SDK1: variants seen among roughly 807,000 people sequenced by gnomAD.
SDK1 encodes sidekick cell adhesion molecule 1.
A neutral mutation model predicts 245.5 loss-of-function variants in SDK1; 157 were observed. The ratio of observed to expected loss-of-function variants is 0.64; its 90% confidence interval spans 0.56 to 0.73. The LOEUF (loss-of-function observed/expected upper bound fraction) is 0.73. Ranked by LOEUF, SDK1 falls within the 30% of genes least tolerant of loss-of-function variation. SDK1 has a pLI of 0.00. For synonymous variants in SDK1, 1,647 were observed against 1,278.5 expected (o/e 1.29, Z -6.15); for missense variants, 3,583 against 3,002.3 (o/e 1.19, Z -4.52).
Position 3,736,678 on chromosome 7 carries a change from T to C in SDK1, c.714-84772T>C, listed in dbSNP as rs541497126. Among the ~76,000 whole-genome samples the C allele has an allele frequency of 2.4e-3, 368 of 152,282 alleles. 3 individuals are homozygous for C. Among genetic ancestry groups the C allele is most frequent in the African/African-American group, 8.6e-3 (356 of 41,542 alleles). On this transcript the variant is annotated intron_variant, in intron 4 of 44. Coordinates refer to ENST00000404826, the MANE Select transcript of SDK1 (RefSeq NM_152744.4). Reference sequence around the variant, plus strand: ...TGAGGTATAGTCATATATATGATTATATATATAAGGTATACAGCGTGATGC... The same window carrying C: ...TGAGGTATAGTCATATATATGATTACATATATAAGGTATACAGCGTGATGC...
intron 1 of SDK1, among the ~76,000 whole-genome samples, chr7:3,603,085 C>T (rs1228526522): frequency 6.6e-6 from 1 of 151,506 alleles, no homozygotes; most frequent in African/African-American, 2.4e-5. Flanking sequence ...GTTACTGTAG[C>T]CTTGTAGTAT....
intron 14 of SDK1, among the ~76,000 whole-genome samples, chr7:4,007,039 C>T (rs1785535151): frequency 6.6e-6 from 1 of 152,234 alleles, no homozygotes; most frequent in Non-Finnish European, 1.5e-5. Context: ...TGTTTGTTCA[C>T]TGTGCCTGAC....
intron 5 of SDK1, among the ~76,000 whole-genome samples, chr7:3,839,447 A>G (rs1029585865): frequency 2.6e-5 from 4 of 152,190 alleles, no homozygotes; most frequent in African/African-American, 2.4e-5. Flanking sequence ...TTGATGATAA[A>G]TCACTGAGTG....
intron 32 of SDK1, among the ~76,000 whole-genome samples, chr7:4,166,059 G>A (rs944568627): frequency 6.6e-6 from 1 of 152,204 alleles, no homozygotes; most frequent in African/African-American, 2.4e-5. Context: ...AAAGTGCTGG[G>A]ATTACAGGTA....
At chr7:3,450,073 G>C (rs1051120669) in intron 1 of SDK1, among the ~76,000 whole-genome samples, 1 of 152,214 alleles carries the variant, frequency 6.6e-6, no homozygotes, top group Non-Finnish European at 1.5e-5. Context: ...GTTGGAGGGA[G>C]AGGAGCTTTC....
intron 4 of SDK1, 47 bp from the exon 5 acceptor site, chr7:3,821,403 A>C: frequency 6.4e-7 from 1 of 1,572,678 alleles, no homozygotes; most frequent in South Asian, 1.2e-5. Context: ...ACAAGTAGGA[A>C]GTTCCCTGGA....
At chr7:3,561,801 C>A (rs1163891746) in intron 1 of SDK1, among the ~76,000 whole-genome samples, 1 of 152,236 alleles carries the variant, frequency 6.6e-6, no homozygotes, top group Non-Finnish European at 1.5e-5. Context: ...GAATAAATTT[C>A]TCTGAATCTG....
intron 44 of SDK1, among the ~76,000 whole-genome samples, chr7:4,264,016 G>A (rs1315927236): frequency 1.2e-4 from 1 of 8,502 alleles, no homozygotes; most frequent in Admixed American, 8.3e-4. Context: ...GAGGGAGGCC[G>A]CGTAGACCTC....
intron 1 of SDK1, among the ~76,000 whole-genome samples, chr7:3,512,197 C>T (rs1041592539): frequency 6.6e-6 from 1 of 152,016 alleles, no homozygotes; most frequent in Non-Finnish European, 1.5e-5. Flanking sequence ...AATGTCGTAT[C>T]ATTGGGATCA....
intron 17 of SDK1, among the ~76,000 whole-genome samples, chr7:4,046,845 C>G (rs182392100): frequency 2.0e-5 from 3 of 149,740 alleles, no homozygotes; most frequent in African/African-American, 7.4e-5. Flanking sequence ...TTTTTGAGAG[C>G]GGGTCTTGCT....
At chr7:3,396,993 TTG>T (rs1778727951) in intron 1 of SDK1, among the ~76,000 whole-genome samples, 1 of 151,836 alleles carries the variant, frequency 6.6e-6, no homozygotes, top group South Asian at 2.1e-4. Context: ...TGCATCATTC[TTG>T]TTGTTTCTTT....
intron 5 of SDK1, among the ~76,000 whole-genome samples, chr7:3,879,843 C>A (rs575904640): frequency 4.4e-4 from 67 of 152,246 alleles, no homozygotes; most frequent in Non-Finnish European, 7.5e-4. Flanking sequence ...GCATAATTAA[C>A]CTTTGCGCGG....
At chr7:3,956,167 G>C (rs937760800) in intron 7 of SDK1, among the ~76,000 whole-genome samples, 23 of 152,184 alleles carry the variant, frequency 1.5e-4, no homozygotes, top group African/African-American at 5.3e-4. Context: ...ACCCTTTCTA[G>C]ACACAGTTGC....
At chr7:3,662,137 G>A (rs1454114113) in intron 4 of SDK1, among the ~76,000 whole-genome samples, 1 of 150,682 alleles carries the variant, frequency 6.6e-6, no homozygotes, top group Non-Finnish European at 1.5e-5. Flanking sequence ...CCCATCTGGA[G>A]GCACAACAAT....
intron 1 of SDK1, among the ~76,000 whole-genome samples, chr7:3,604,730 G>A (rs1781367840): frequency 6.6e-6 from 1 of 151,108 alleles, no homozygotes; most frequent in South Asian, 2.1e-4. Context: ...AGCCTCCAGA[G>A]TAGCTGGGAT....
rs1348089001 is a variant in SDK1, at chr7:3,969,318, G to A, written c.1608G>A (p.Gly536=). ...RIPRFMLLES[G]GLQIAPVFIQ... Reference sequence around the variant, plus strand: ...CTAGGTTCATGCTTCTTGAATCGGGGGGTCTACAGATCGCGCCCGTCTTCA... The same window carrying A: ...CTAGGTTCATGCTTCTTGAATCGGGAGGTCTACAGATCGCGCCCGTCTTCA... Residue 536 remains glycine, a synonymous_variant, in exon 11 of 45, where the codon GGG becomes GGA. Transcript: ENST00000404826. The A allele has an allele frequency of 6.2e-7, 1 of 1,611,034 alleles. No homozygotes were observed. The highest frequency in any genetic ancestry group is 1.3e-5 in the African/African-American group (1 of 74,854).
At chr7:4,179,613 C>A in intron 35 of SDK1, among the ~76,000 whole-genome samples, 1 of 152,072 alleles carries the variant, frequency 6.6e-6, no homozygotes, top group Middle Eastern at 3.4e-3. Context: ...CCTCTCTTTG[C>A]ACGAAAATAT....
At chr7:3,857,157 T>A (rs1406186693) in intron 5 of SDK1, among the ~76,000 whole-genome samples, 1 of 152,048 alleles carries the variant, frequency 6.6e-6, no homozygotes, top group African/African-American at 2.4e-5. Flanking sequence ...CTAACAAAAA[T>A]CTACTGGAAA....
At chr7:3,357,981 C>G (rs1197460633) in intron 1 of SDK1, among the ~76,000 whole-genome samples, 4 of 151,988 alleles carry the variant, frequency 2.6e-5, no homozygotes, top group Admixed American at 1.3e-4. Context: ...TAATGATATT[C>G]ATAGATTGAC....
Sources: gnomAD v4.1 joint callset for allele counts (sites outside exome capture counted in the v4.1 genomes callset) on GRCh38, gnomAD v4.1.1 for gene constraint, MANE v1.5 for transcripts, NCBI Gene and HGNC (gene_info 2026-07-23, HGNC 2026-07-21) for gene names.